The following CSMD1 variants were observed in gnomAD, a reference collection of about 807,000 sequenced individuals.
The protein encoded by CSMD1 is CUB and Sushi multiple domains 1.
A neutral mutation model predicts 417.5 loss-of-function variants in CSMD1; 213 were observed. That is an observed-to-expected ratio of 0.51 (90% CI 0.46 to 0.57). CSMD1 has a LOEUF of 0.57. CSMD1 is among the 20% of genes least tolerant of loss of function. The pLI, the probability that CSMD1 is intolerant of heterozygous loss-of-function variation, is 0.00. For missense variants in CSMD1, 6,923 were observed against 4,529.7 expected, an observed-to-expected ratio of 1.53 and a Z score of -15.17; for synonymous variants, 2,862 against 1,736.8, an observed-to-expected ratio of 1.65 and a Z score of -16.11.
At chr8:3,002,080 T>G (rs1807451912) in intron 52 of CSMD1, among the ~76,000 whole-genome samples, 1 of 152,198 alleles carries the variant, frequency 6.6e-6, no homozygotes, top group Non-Finnish European at 1.5e-5. Flanking sequence ...AGGCTAGATT[T>G]GGCTAATTTT....
chr8:3,481,366 AAAC>A (rs1817741323), intron 11 of CSMD1, among the ~76,000 whole-genome samples: 1 of 152,302 alleles, frequency 6.6e-6, no homozygotes, highest in African/African-American at 2.4e-5. Flanking sequence ...TTAATGATTG[AAAC>A]AACAATTAGA....
At chr8:4,303,165 ATAG>A (rs1798070480) in intron 3 of CSMD1, among the ~76,000 whole-genome samples, 3 of 152,152 alleles carry the variant, frequency 2.0e-5, no homozygotes, top group African/African-American at 4.8e-5. Flanking sequence ...CAAACATATA[ATAG>A]GGCATGAATA....
rs116822084 is a variant in CSMD1, at chr8:3,815,341, G to A, written c.819-61299C>T. Among the ~76,000 whole-genome samples the A allele has an allele frequency of 2.7e-3, 410 of 152,118 alleles. 4 individuals carry two copies. The highest frequency in any genetic ancestry group is 9.2e-3 in the African/African-American group (381 of 41,506). The stretch of plus-strand genomic sequence containing the variant: ...ACTTCTGAACAAATCATGCATTTTC[G>A]GAACACATCAGGAGTTAGAGAACTG... On this transcript the variant is annotated intron_variant, in intron 5 of 69. Coordinates refer to ENST00000635120, the MANE Select transcript of CSMD1 (RefSeq NM_033225.6).
intron 5 of CSMD1, among the ~76,000 whole-genome samples, chr8:3,805,494 ATGT>A (rs1207870984): frequency 1.3e-5 from 2 of 152,106 alleles, no homozygotes; most frequent in African/African-American, 4.8e-5. Context: ...ATTCCTGACC[ATGT>A]TCAGGGATGA....
chr8:4,038,761 G>C (rs555476402), intron 3 of CSMD1, among the ~76,000 whole-genome samples: 1 of 152,194 alleles, frequency 6.6e-6, no homozygotes, highest in Non-Finnish European at 1.5e-5. Flanking sequence ...ATTTGGTAAC[G>C]TGAAAGGATT....
At position 4,408,756 on chromosome 8, in the gene CSMD1, A is replaced by G. The variant is rs571419485; in HGVS notation, c.415+11197T>C. On this transcript the variant is annotated intron_variant, in intron 3 of 69. Coordinates refer to ENST00000635120, the MANE Select transcript of CSMD1 (RefSeq NM_033225.6). ...GAGGTCAACAGAGTATCTATTGTGC[A>G]GGTGAGGCCATCAGCTGCCATTTTT... Among the ~76,000 whole-genome samples, 134 of 152,326 alleles carry G rather than the reference A, an allele frequency of 8.8e-4. No homozygotes were observed. In the Middle Eastern group the frequency reaches 0.01, roughly 12 times the overall value.
chr8:4,793,165 G>C (rs923659354), intron 1 of CSMD1, among the ~76,000 whole-genome samples: 2 of 152,008 alleles, frequency 1.3e-5, no homozygotes, highest in Non-Finnish European at 2.9e-5. Context: ...AACCTTCAAT[G>C]TCCTTGATCA....
chr8:3,743,652 T>C (rs1190815524), intron 6 of CSMD1, among the ~76,000 whole-genome samples: 1 of 152,064 alleles, frequency 6.6e-6, no homozygotes, highest in South Asian at 2.1e-4. Flanking sequence ...CTAAATGAGG[T>C]GATTACAAGA....
chr8:3,711,523 T>G (rs912128809), intron 6 of CSMD1, among the ~76,000 whole-genome samples: 1 of 152,212 alleles, frequency 6.6e-6, no homozygotes, highest in African/African-American at 2.4e-5. Context: ...AGGGACTTGC[T>G]CTGGTGCAAC....
chr8:3,506,238 G>C (rs1017522679), intron 10 of CSMD1, among the ~76,000 whole-genome samples: 1 of 152,154 alleles, frequency 6.6e-6, no homozygotes, highest in African/African-American at 2.4e-5. Context: ...AGAGGGTGCA[G>C]GTGAGCCAGG....
chr8:3,267,539 C>T (rs1801524547), intron 26 of CSMD1, among the ~76,000 whole-genome samples: 1 of 152,166 alleles, frequency 6.6e-6, no homozygotes, highest in South Asian at 2.1e-4. Context: ...CAGGCAGATG[C>T]TGGGCCAGGG....
chr8:3,079,068 G>C (rs935016169), intron 49 of CSMD1, among the ~76,000 whole-genome samples: 1 of 152,134 alleles, frequency 6.6e-6, no homozygotes, highest in African/African-American at 2.4e-5. Context: ...GGGATGGGAG[G>C]AATCCATCAC....
intron 2 of CSMD1, among the ~76,000 whole-genome samples, chr8:4,457,887 C>A (rs988278049): frequency 2.6e-5 from 4 of 152,188 alleles, no homozygotes; most frequent in South Asian, 2.1e-4. Context: ...GATGCAGCAC[C>A]GTAGTGAACG....
intron 1 of CSMD1, among the ~76,000 whole-genome samples, chr8:4,975,557 C>T (rs559201903): frequency 6.6e-6 from 1 of 152,114 alleles, no homozygotes; most frequent in Non-Finnish European, 1.5e-5. Flanking sequence ...CCAGGAAGGT[C>T]CCAAAACTGG....
At chr8:3,076,611 A>G (rs963329964) in intron 49 of CSMD1, among the ~76,000 whole-genome samples, 23 of 152,096 alleles carry the variant, frequency 1.5e-4, no homozygotes, top group African/African-American at 5.6e-4. Flanking sequence ...TGCTCTCACT[A>G]TTTTTAAAAG....
chr8:3,382,688 G>T (rs945572911), intron 18 of CSMD1, among the ~76,000 whole-genome samples: 1 of 149,732 alleles, frequency 6.7e-6, no homozygotes, highest in Non-Finnish European at 1.5e-5. Flanking sequence ...TTTTCTCATA[G>T]ATCTGTTGGC....
chr8:4,207,245 C>G (rs923774991), intron 3 of CSMD1, among the ~76,000 whole-genome samples: 6 of 152,054 alleles, frequency 3.9e-5, no homozygotes, highest in Non-Finnish European at 5.9e-5. Context: ...AGCCAGCATT[C>G]CCATTATTTC....
At chr8:4,981,292 G>C (rs1024607993) in intron 1 of CSMD1, among the ~76,000 whole-genome samples, 5 of 152,234 alleles carry the variant, frequency 3.3e-5, no homozygotes, top group African/African-American at 1.2e-4. Flanking sequence ...CAGTATGAGA[G>C]AGGGGGCTAC....
chr8:4,343,497 G>C (rs1352931991), intron 3 of CSMD1, among the ~76,000 whole-genome samples: 2 of 152,044 alleles, frequency 1.3e-5, no homozygotes, highest in Non-Finnish European at 2.9e-5. Context: ...ATGCGTACAT[G>C]ATTCACAATG....
Sources: allele counts gnomAD v4.1 joint callset (sites outside exome capture counted in the v4.1 genomes callset), GRCh38; gene constraint gnomAD v4.1.1; transcripts MANE v1.5; gene names NCBI Gene and HGNC (gene_info 2026-07-23, HGNC 2026-07-21).